The following VPS13A variants were observed in gnomAD, a reference collection of about 807,000 sequenced individuals.
The protein encoded by VPS13A is intermembrane lipid transfer protein VPS13A.
In VPS13A, 264 loss-of-function variants were observed where a neutral mutation model predicts 390.9. The ratio of observed to expected loss-of-function variants is 0.68; its 90% CI spans 0.61 to 0.75. The LOEUF (loss-of-function observed/expected upper bound fraction) is 0.75. Ranked by LOEUF, VPS13A falls within the 30% of genes least tolerant of loss-of-function variation. VPS13A has a pLI of 0.00. For synonymous variants in VPS13A, 1,231 were observed against 1,227.1 expected (o/e 1.00, Z -0.07); for missense variants, 3,409 against 3,733.9 (o/e 0.91, Z 2.27).
chr9:77,403,686 A>G (rs1345947982), intron 69 of VPS13A, among the ~76,000 whole-genome samples: 5 of 152,226 alleles, frequency 3.3e-5, no homozygotes, highest in Non-Finnish European at 7.3e-5. Context: ...TTGTTAGAAT[A>G]TATATAGATT....
rs780536106 is a variant in VPS13A at position 77,371,063 on chromosome 9, T to G, written c.8991T>G (p.Gly2997=). 3 of 1,614,082 alleles carry G rather than the reference T, an allele frequency of 1.9e-6. No individual in the cohort carries two copies. The South Asian group carries it at 3.3e-5, about 18-fold the overall frequency. ...GAGGAGCAGCTGGTTTCTTTAAAGG[T>G]GTTGGGAAAGGTTTAGTAGGAGCGG... ...QKGGAAGFFK[G]VGKGLVGAVA... The change falls in exon 67 of 72, where the codon GGT becomes GGG. Residue 2997 remains glycine (G), a synonymous_variant. Transcript: ENST00000360280.
rs572391869 is a variant in VPS13A, at chr9:77,418,295, G to C, written c.*2289G>C. On this transcript the variant is annotated 3_prime_UTR_variant, in exon 72 of 72. Coordinates refer to ENST00000360280, the MANE Select transcript of VPS13A (RefSeq NM_033305.3). The stretch of plus-strand genomic sequence containing the variant: ...CTTGTGCCCCTTCCATGTATTATTT[G>C]CTAACTAACTATATTACTAGGCCCT... 2.6e-5 allele frequency: 4 copies of C among 152,180 alleles called. No homozygotes were observed. The highest frequency in any genetic ancestry group is 7.2e-5 in the African/African-American group (3 of 41,530). 9.4% of individuals were successfully genotyped at this position (152,180 alleles called of 1,614,324 possible).
Position 77,345,020 on chromosome 9 carries a change from T to TA in VPS13A, c.7168dup (p.Ile2390AsnfsTer20). ...TTTCTTTCTTCTAGCTTGGAGGTAT[T>TA]ATAGCAGAAGTGAATTTGGCCGAGC... On this transcript the variant is annotated frameshift_variant, in exon 52 of 72. Transcript: ENST00000360280. LOFTEE classifies it high-confidence loss of function. The TA allele has an allele frequency of 1.9e-6, 3 of 1,612,312 alleles. No individual in the cohort carries two copies. The highest frequency in any genetic ancestry group is 2.5e-6 in the Non-Finnish European group (3 of 1,179,834).
At chr9:77,352,917 G>A (rs1831550712) in intron 53 of VPS13A, among the ~76,000 whole-genome samples, 2 of 152,018 alleles carry the variant, frequency 1.3e-5, no homozygotes, top group Non-Finnish European at 2.9e-5. Flanking sequence ...CCTGATATCA[G>A]CACATTTATG....
chr9:77,204,448 T>G (rs1564627937), intron 3 of VPS13A, among the ~76,000 whole-genome samples: 1 of 152,184 alleles, frequency 6.6e-6, no homozygotes, highest in Non-Finnish European at 1.5e-5. Context: ...TGCATAATTT[T>G]CAAATATTAC....
At chr9:77,198,561 CT>C (rs141093512) in intron 1 of VPS13A, among the ~76,000 whole-genome samples, 15,616 of 152,038 alleles carry the variant, frequency 0.1, 830 homozygotes, top group Middle Eastern at 0.13. Context: ...CATGGGCTTA[CT>C]TTTTTTTAAA....
At chr9:77,223,532 G>A (rs1250439069) in intron 13 of VPS13A, among the ~76,000 whole-genome samples, 1 of 152,156 alleles carries the variant, frequency 6.6e-6, no homozygotes, top group African/African-American at 2.4e-5. Context: ...CTGATGTGGA[G>A]AGTGTTCTAG....
intron 1 of VPS13A, among the ~76,000 whole-genome samples, chr9:77,183,505 T>G (rs913987029): frequency 6.6e-6 from 1 of 152,248 alleles, no homozygotes; most frequent in African/African-American, 2.4e-5. Context: ...TCTGGCTTAT[T>G]TCAGCATAAT....
At chr9:77,199,856 C>T in intron 1 of VPS13A, 89 bp from the exon 2 acceptor site, 4 of 1,053,654 alleles carry the variant, frequency 3.8e-6, no homozygotes, top group Non-Finnish European at 5.6e-6. Context: ...ATATATTTTT[C>T]CTGATTATGA....
At chr9:77,318,153 T>C in intron 40 of VPS13A, 82 bp from the exon 41 acceptor site, 2 of 740,446 alleles carry the variant, frequency 2.7e-6, no homozygotes, top group South Asian at 4.8e-5. Flanking sequence ...GTATTTAATT[T>C]CTCATAATAT....
In VPS13A at chr9:77,181,054, A is replaced by C. The variant is rs140489110; in HGVS notation, c.100+3250A>C. ...AACAGACAGCGAGACTCTGTCTCAA[A>C]ATAAAATAAAATAACATGTCAGTGT... On this transcript the variant is annotated intron_variant, in intron 1 of 71. Transcript: ENST00000360280. Among the ~76,000 whole-genome samples the C allele has an allele frequency of 2.6e-3, 398 of 152,334 alleles. 2 individuals are homozygous for C. The highest frequency in any genetic ancestry group is 3.0e-3 in the Non-Finnish European group (201 of 68,034).
intron 1 of VPS13A, among the ~76,000 whole-genome samples, chr9:77,193,408 C>T (rs1292115211): frequency 2.0e-5 from 3 of 152,012 alleles, no homozygotes; most frequent in African/African-American, 4.8e-5. Context: ...CTGAGGCGGG[C>T]GGATCACTTG....
intron 67 of VPS13A, among the ~76,000 whole-genome samples, chr9:77,381,174 C>T (rs1415808076): frequency 6.6e-6 from 1 of 152,176 alleles, no homozygotes; most frequent in Non-Finnish European, 1.5e-5. Flanking sequence ...GACAGGGTCT[C>T]ACTCTGGCAT....
chr9:77,369,799 CT>C (rs761579486), intron 63 of VPS13A, among the ~76,000 whole-genome samples: 37 of 152,142 alleles, frequency 2.4e-4, no homozygotes, highest in Non-Finnish European at 4.4e-4. Flanking sequence ...TCCTTTAAAA[CT>C]TTTTCCCAAA....
At chr9:77,186,452 T>A (rs1824340669) in intron 1 of VPS13A, among the ~76,000 whole-genome samples, 1 of 152,142 alleles carries the variant, frequency 6.6e-6, no homozygotes, top group Admixed American at 6.5e-5. Context: ...TTTTTTTAAT[T>A]TTTGAGATGG....
chr9:77,262,472 T>C (rs994743049), intron 23 of VPS13A, among the ~76,000 whole-genome samples: 4 of 152,282 alleles, frequency 2.6e-5, no homozygotes, highest in Admixed American at 2.0e-4. Flanking sequence ...CTGGGATACA[T>C]GTGCAGAACA....
intron 68 of VPS13A, among the ~76,000 whole-genome samples, chr9:77,392,228 G>A (rs1833924141): frequency 6.6e-6 from 1 of 152,064 alleles, no homozygotes; most frequent in African/African-American, 2.4e-5. Flanking sequence ...CAAGAGACAT[G>A]ATAACAGTTT....
chr9:77,357,306 G>T (rs1376787754), intron 55 of VPS13A, among the ~76,000 whole-genome samples: 3 of 101,452 alleles, frequency 3.0e-5, no homozygotes, highest in East Asian at 3.5e-4. Context: ...CTGACAGCAA[G>T]ACTCTGTCTC....
chr9:77,290,507 T>C (rs11145376), intron 31 of VPS13A, among the ~76,000 whole-genome samples: 36,907 of 151,496 alleles, frequency 0.24, 5,271 homozygotes, highest in African/African-American at 0.39. Flanking sequence ...CCCCACCCCC[T>C]GGCTCCCCTG....
Sources: gnomAD v4.1 joint callset for allele counts (sites outside exome capture counted in the v4.1 genomes callset) on GRCh38, gnomAD v4.1.1 for gene constraint, MANE v1.5 for transcripts, NCBI Gene and HGNC (gene_info 2026-07-23, HGNC 2026-07-21) for gene names.